HMGA2: variants seen among roughly 807,000 people sequenced by gnomAD.
HMGA2 encodes the protein high mobility group protein HMGI-C.
A neutral mutation model predicts 19.1 loss-of-function variants in HMGA2; 8 were observed. The ratio of observed to expected loss-of-function variants is 0.42; its 90% CI spans 0.25 to 0.76. The LOEUF is 0.76. Ranked by LOEUF, HMGA2 falls within the 30% of genes least tolerant of loss-of-function variation. HMGA2 has a pLI of 0.28. For synonymous variants in HMGA2, 60 were observed against 48.8 expected (o/e 1.23, Z -0.96); for missense variants, 109 against 136.3 (o/e 0.80, Z 1.00).
chr12:65,938,853 TAG>T (rs1343611745), intron 3 of HMGA2, among the ~76,000 whole-genome samples: 2 of 152,012 alleles, frequency 1.3e-5, no homozygotes, highest in Non-Finnish European at 2.9e-5. Context: ...TTTTTAGAGA[TAG>T]AGTTTGCCAT....
At chr12:65,898,137 A>T (rs908378159) in intron 3 of HMGA2, among the ~76,000 whole-genome samples, 31 of 152,180 alleles carry the variant, frequency 2.0e-4, no homozygotes, top group African/African-American at 7.5e-4. Context: ...CAAACAGGAC[A>T]CCAGGCTTCT....
chr12:65,837,679 C>T (rs1028623044), intron 2 of HMGA2, among the ~76,000 whole-genome samples: 17 of 152,150 alleles, frequency 1.1e-4, no homozygotes, highest in Middle Eastern at 3.4e-3. Flanking sequence ...CTGACAAAAA[C>T]GGAAAAACTA....
chr12:65,829,757 C>A (rs1053739581), intron 2 of HMGA2, among the ~76,000 whole-genome samples: 2 of 151,968 alleles, frequency 1.3e-5, no homozygotes, highest in Non-Finnish European at 2.9e-5. Flanking sequence ...CCCATCGCCT[C>A]CGCTTCATTT....
chr12:65,919,231 T>G (rs1474520280), intron 3 of HMGA2, among the ~76,000 whole-genome samples: 2 of 152,226 alleles, frequency 1.3e-5, no homozygotes, highest in Non-Finnish European at 2.9e-5. Context: ...AAAACCAGTC[T>G]TTATTACTCA....
intron 3 of HMGA2, among the ~76,000 whole-genome samples, chr12:65,900,033 A>G (rs1398919857): frequency 6.6e-6 from 1 of 152,196 alleles, no homozygotes; most frequent in African/African-American, 2.4e-5. Context: ...ATCTTTACGG[A>G]TAGGGTAATA....
chr12:65,872,055 A>T (rs567819211), intron 3 of HMGA2, among the ~76,000 whole-genome samples: 1 of 152,290 alleles, frequency 6.6e-6, no homozygotes, highest in East Asian at 1.9e-4. Context: ...AGGCAACAGG[A>T]TGCCAGCCAA....
chr12:65,880,932 G>T (rs898617559), intron 3 of HMGA2, among the ~76,000 whole-genome samples: 1 of 152,142 alleles, frequency 6.6e-6, no homozygotes, highest in African/African-American at 2.4e-5. Flanking sequence ...TGACTGGCAC[G>T]ATTCTATCCC....
chr12:65,915,106 A>C (rs371391035), intron 3 of HMGA2: 43 of 1,613,764 alleles, frequency 2.7e-5, no homozygotes, highest in Non-Finnish European at 3.5e-5. Flanking sequence ...CATCTCTGGG[A>C]AACAGTACCA....
intron 2 of HMGA2, among the ~76,000 whole-genome samples, chr12:65,836,876 A>C (rs1870753353): frequency 6.6e-6 from 1 of 152,196 alleles, no homozygotes; most frequent in South Asian, 2.1e-4. Flanking sequence ...AATCAGTGAC[A>C]ATTTTAGTTT....
At chr12:65,951,172 G>A (rs561195454) in intron 3 of HMGA2, among the ~76,000 whole-genome samples, 3 of 152,036 alleles carry the variant, frequency 2.0e-5, no homozygotes, top group Non-Finnish European at 2.9e-5. Flanking sequence ...CAAGCCATCC[G>A]TCCGCCTCTG....
intron 3 of HMGA2, chr12:65,915,202 G>A (rs1482542720): frequency 6.2e-7 from 1 of 1,605,912 alleles, no homozygotes; most frequent in Non-Finnish European, 8.5e-7. Context: ...TTACATCTAT[G>A]AGCCTTATGT....
At chr12:65,914,953 G>A (rs778331255) in intron 3 of HMGA2, 1 of 1,489,650 alleles carries the variant, frequency 6.7e-7, no homozygotes, top group Admixed American at 1.7e-5. Flanking sequence ...GGGAATACAG[G>A]CGTGAGCCAT....
chr12:65,886,515 T>C (rs1873663958), intron 3 of HMGA2, among the ~76,000 whole-genome samples: 1 of 152,046 alleles, frequency 6.6e-6, no homozygotes. Flanking sequence ...GTCCTCCCCA[T>C]GCCCGGCTAA....
At chr12:65,879,208 G>C (rs1220238367) in intron 3 of HMGA2, among the ~76,000 whole-genome samples, 1 of 152,162 alleles carries the variant, frequency 6.6e-6, no homozygotes, top group Non-Finnish European at 1.5e-5. Flanking sequence ...GCTCACTGCT[G>C]CCTTGATTTC....
intron 3 of HMGA2, 58 bp from the exon 4 acceptor site, chr12:65,951,325 A>G (rs555202584): frequency 5.4e-6 from 6 of 1,106,234 alleles, no homozygotes; most frequent in African/African-American, 3.2e-5. Context: ...ATGTACACCT[A>G]ATTTTTTCTA....
At chr12:65,842,147 C>G (rs1336611430) in intron 3 of HMGA2, 2 of 1,281,000 alleles carry the variant, frequency 1.6e-6, no homozygotes, top group African/African-American at 3.0e-5. Context: ...AGAGCTCAGG[C>G]TCTGGATTCA....
At chr12:65,850,778 A>G (rs1220195665) in intron 3 of HMGA2, among the ~76,000 whole-genome samples, 1 of 152,112 alleles carries the variant, frequency 6.6e-6, no homozygotes, top group African/African-American at 2.4e-5. Context: ...AGATTAATTC[A>G]CTTGCAGTCT....
chr12:65,919,411 C>T (rs1370306583), intron 3 of HMGA2, among the ~76,000 whole-genome samples: 1 of 152,182 alleles, frequency 6.6e-6, no homozygotes, highest in Non-Finnish European at 1.5e-5. Context: ...CCATTGGACC[C>T]ACTTTCCTAT....
chr12:65,836,248 A>G (rs569792784), intron 2 of HMGA2, among the ~76,000 whole-genome samples: 3 of 152,046 alleles, frequency 2.0e-5, no homozygotes, highest in Non-Finnish European at 2.9e-5. Flanking sequence ...AGTCCCAGCT[A>G]CTTGAGAGGC....
Sources: allele counts gnomAD v4.1 joint callset (sites outside exome capture counted in the v4.1 genomes callset), GRCh38; gene constraint gnomAD v4.1.1; transcripts MANE v1.5; gene names NCBI Gene and HGNC (gene_info 2026-07-23, HGNC 2026-07-21).